Variants in INSC observed in about 807,000 individuals in gnomAD.
The protein encoded by INSC is INSC spindle orientation adaptor protein.
Under a neutral mutation model 58.6 loss-of-function variants are expected in INSC, and 67 were observed. The ratio of observed to expected loss-of-function variants is 1.14; its 90% CI spans 0.94 to 1.40. INSC has a LOEUF of 1.40. INSC is among the 40% of genes most tolerant of loss of function. INSC has a pLI of 0.00. For missense variants in INSC, 714 were observed against 692.0 expected, an observed-to-expected ratio of 1.03 and a Z score of -0.36; for synonymous variants, 262 against 276.1, an observed-to-expected ratio of 0.95 and a Z score of 0.51.
chr11:15,252,695 C>T, the INSC span, among the ~76,000 whole-genome samples: 1 of 152,168 alleles, frequency 6.6e-6, no homozygotes, highest in Non-Finnish European at 1.5e-5. Context: ...TAGTTAGAAG[C>T]ATGTAACTGA....
At position 15,190,827 on chromosome 11, in the gene INSC, G is replaced by GT; in HGVS notation, c.693+15dup. On this transcript the variant is annotated intron_variant, in intron 6 of 12. Coordinates refer to ENST00000379556, the MANE Select transcript of INSC (RefSeq NM_001042536.3). ...CATCATAGCCAAGGTGAGCTTCATG[G>GT]TTAGGGACCAAAATGGCAGGCCTGG... 1 of 1,576,870 alleles carries GT rather than the reference G, an allele frequency of 6.3e-7. No individual in the cohort carries two copies. The highest frequency in any genetic ancestry group is 8.7e-7 in the Non-Finnish European group (1 of 1,146,108).
At chr11:15,234,605 G>A (rs907321842) in intron 9 of INSC, among the ~76,000 whole-genome samples, 3 of 152,174 alleles carry the variant, frequency 2.0e-5, no homozygotes, top group African/African-American at 7.2e-5. Flanking sequence ...AACCTTTCGA[G>A]AGAGAGGCTT....
At chr11:15,256,566 C>A in the INSC span, among the ~76,000 whole-genome samples, 1 of 151,542 alleles carries the variant, frequency 6.6e-6, no homozygotes, top group East Asian at 1.9e-4. Flanking sequence ...CTTGGCTCAC[C>A]GCAACCTCCG....
intron 5 of INSC, among the ~76,000 whole-genome samples, chr11:15,185,623 ATATAT>A (rs1455199572): frequency 1.3e-5 from 2 of 152,124 alleles, no homozygotes; most frequent in African/African-American, 4.8e-5. Flanking sequence ...TAAAACTTAA[ATATAT>A]TACATTAAAT....
intron 7 of INSC, among the ~76,000 whole-genome samples, chr11:15,202,855 C>T (rs1157592460): frequency 6.6e-6 from 1 of 152,222 alleles, no homozygotes; most frequent in African/African-American, 2.4e-5. Flanking sequence ...TTCCTTTCAC[C>T]TATCTGATGC....
chr11:15,245,074 A>G (rs1310695562), intron 12 of INSC, among the ~76,000 whole-genome samples: 1 of 152,200 alleles, frequency 6.6e-6, no homozygotes, highest in East Asian at 1.9e-4. Flanking sequence ...AGAAATAGAA[A>G]ACAAGATCCT....
At chr11:15,133,163 A>G (rs1824884519) in intron 1 of INSC, among the ~76,000 whole-genome samples, 1 of 152,014 alleles carries the variant, frequency 6.6e-6, no homozygotes, top group Non-Finnish European at 1.5e-5. Context: ...CCATCACTCT[A>G]TATTTCTTAG....
In INSC at chr11:15,246,994, G is replaced by A. The variant is rs549925366; in HGVS notation, c.*954G>A. 1 of 151,206 alleles carries A rather than the reference G, an allele frequency of 6.6e-6. No homozygotes were observed. Among genetic ancestry groups the A allele is most frequent in the Non-Finnish European group, 1.5e-5 (1 of 67,970 alleles). 9.4% of individuals were successfully genotyped at this position (151,206 alleles called of 1,614,324 possible). ...CCATAGTGGGAGTATTTACACCACA[G>A]AAATTCACAGATGCTATAAAGCACA... On this transcript the variant is annotated 3_prime_UTR_variant, in exon 13 of 13. Transcript: ENST00000379556.
At position 15,172,411 on chromosome 11, in the gene INSC, G is replaced by A. The variant is rs1461207351; in HGVS notation, c.57-3330G>A. On this transcript the variant is annotated intron_variant, in intron 2 of 12. Transcript: ENST00000379556. ...CCTGACACTTGGCCACTCAACAATG[G>A]GCATACATTTTCTGAATAACTGATA... Among the ~76,000 whole-genome samples, 4 of 152,074 alleles carry A rather than the reference G, an allele frequency of 2.6e-5. No homozygotes were observed. In the East Asian group the frequency reaches 5.8e-4, roughly 22 times the overall value.
chr11:15,145,868 G>A (rs551897777), intron 1 of INSC, among the ~76,000 whole-genome samples: 2 of 152,168 alleles, frequency 1.3e-5, no homozygotes, highest in African/African-American at 2.4e-5. Context: ...GTCTGAGAAG[G>A]GCCTCCTGGG....
chr11:15,219,191 C>T (rs1364213893), intron 7 of INSC, among the ~76,000 whole-genome samples: 1 of 152,108 alleles, frequency 6.6e-6, no homozygotes, highest in Admixed American at 6.5e-5. Context: ...CAGGAACTTG[C>T]TCTTAGGAAA....
chr11:15,211,757 G>T (rs1851033329), intron 7 of INSC, among the ~76,000 whole-genome samples: 1 of 151,924 alleles, frequency 6.6e-6, no homozygotes, highest in African/African-American at 2.4e-5. Context: ...AATTGAGCCA[G>T]CACTGTTTAT....
chr11:15,262,040 C>T, the INSC span, among the ~76,000 whole-genome samples: 1 of 152,060 alleles, frequency 6.6e-6, no homozygotes, highest in Non-Finnish European at 1.5e-5. Flanking sequence ...TATCAAAATA[C>T]TGGAGTGCAA....
At chr11:15,199,570 G>A (rs1488076194) in intron 6 of INSC, among the ~76,000 whole-genome samples, 1 of 152,174 alleles carries the variant, frequency 6.6e-6, no homozygotes, top group Non-Finnish European at 1.5e-5. Context: ...ACTGAGCCTG[G>A]CACATAATAG....
rs942110484 is a variant in INSC, at chr11:15,224,169, G to A, written c.992-1481G>A. 2.0e-5 allele frequency among the ~76,000 whole-genome samples: 3 copies of A among 152,194 alleles called. No homozygotes were observed. In the South Asian group the frequency reaches 6.2e-4, roughly 31 times the overall value. The stretch of plus-strand genomic sequence containing the variant: ...GGGATTGTTGTAAGGATTAAATTAT[G>A]TAATGAAGTAAAAAATATGTACAGC... On this transcript the variant is annotated intron_variant, in intron 8 of 12. Coordinates refer to ENST00000379556, the MANE Select transcript of INSC (RefSeq NM_001042536.3).
downstream of INSC, among the ~76,000 whole-genome samples, chr11:15,248,788 T>C (rs745557034): frequency 6.6e-6 from 1 of 152,156 alleles, no homozygotes; most frequent in Non-Finnish European, 1.5e-5. Context: ...AGGGGCCTAG[T>C]AGGAAACAGA....
the INSC span, among the ~76,000 whole-genome samples, chr11:15,257,561 G>T: frequency 6.6e-6 from 1 of 151,514 alleles, no homozygotes; most frequent in African/African-American, 2.4e-5. Flanking sequence ...CCACCCCCCC[G>T]CCTCAGTACC....
At chr11:15,157,076 T>C (rs990649378) in intron 2 of INSC, among the ~76,000 whole-genome samples, 7 of 152,192 alleles carry the variant, frequency 4.6e-5, no homozygotes, top group Non-Finnish European at 1.0e-4. Flanking sequence ...CAGGACAGCC[T>C]CCATCAGAAT....
chr11:15,161,376 G>T (rs756612118), intron 2 of INSC, among the ~76,000 whole-genome samples: 1 of 152,214 alleles, frequency 6.6e-6, no homozygotes. Flanking sequence ...CAAATGTTAA[G>T]TGAATAGGAT....
Sources: gnomAD v4.1 joint callset for allele counts (sites outside exome capture counted in the v4.1 genomes callset) on GRCh38, gnomAD v4.1.1 for gene constraint, MANE v1.5 for transcripts, NCBI Gene and HGNC (gene_info 2026-07-23, HGNC 2026-07-21) for gene names.